PIK3C2G: variants seen among roughly 807,000 people sequenced by gnomAD.
PIK3C2G encodes phosphatidylinositol-4-phosphate 3-kinase catalytic subunit type 2 gamma, also known as phosphatidylinositol 3-kinase C2 domain-containing subunit gamma.
In PIK3C2G, 168 loss-of-function variants were observed where a neutral mutation model predicts 181.1. The ratio of observed to expected loss-of-function variants is 0.93; its 90% confidence interval spans 0.82 to 1.05. The LOEUF (loss-of-function observed/expected upper bound fraction) is 1.05. Among genes scored for constraint, PIK3C2G ranks in the 50% least tolerant of loss-of-function variants. PIK3C2G has a pLI of 0.00. For synonymous variants in PIK3C2G, 573 were observed against 592.2 expected (o/e 0.97, Z 0.47); for missense variants, 1,869 against 1,732.8 (o/e 1.08, Z -1.40).
At chr12:18,666,992 C>G in the PIK3C2G span, among the ~76,000 whole-genome samples, 2 of 152,112 alleles carry the variant, frequency 1.3e-5, no homozygotes, top group African/African-American at 2.4e-5. Context: ...CAATCATGGC[C>G]TAGAACTAAA....
chr12:18,603,499 T>C (rs571363162), intron 30 of PIK3C2G, among the ~76,000 whole-genome samples: 11 of 152,220 alleles, frequency 7.2e-5, no homozygotes, highest in Non-Finnish European at 1.5e-4. Context: ...GTCCTAGACA[T>C]GCAAATATAA....
At chr12:18,410,578 T>A (rs2135624367) in intron 16 of PIK3C2G, among the ~76,000 whole-genome samples, 1 of 152,128 alleles carries the variant, frequency 6.6e-6, no homozygotes, top group Non-Finnish European at 1.5e-5. Context: ...CATGAAATAG[T>A]TGCATTTACA....
chr12:18,401,450 TAAAA>T (rs542986346), intron 16 of PIK3C2G, among the ~76,000 whole-genome samples: 203 of 152,274 alleles, frequency 1.3e-3, no homozygotes, highest in Non-Finnish European at 2.1e-3. Context: ...TAAGAACAGC[TAAAA>T]TCTGTAAAAT....
chr12:18,331,201 T>C (rs999224428), intron 8 of PIK3C2G, among the ~76,000 whole-genome samples: 1 of 152,090 alleles, frequency 6.6e-6, no homozygotes, highest in African/African-American at 2.4e-5. Context: ...TTTAAAAAAA[T>C]ATTTGGCTAT....
chr12:18,631,946 G>C (rs956747749), intron 31 of PIK3C2G, among the ~76,000 whole-genome samples: 1 of 152,144 alleles, frequency 6.6e-6, no homozygotes, highest in Non-Finnish European at 1.5e-5. Flanking sequence ...TCTTATTTGG[G>C]AGTCATCTAC....
rs371089598 is a variant in PIK3C2G at position 18,290,845 on chromosome 12, T to C, written c.762-10T>C. ...TGTCCTAAGTATTTTTCTTAACATA[T>C]GTTTTTCAGAATCAGAGAAAGATAT... On this transcript the variant is annotated splice_polypyrimidine_tract_variant and intron_variant, in intron 3 of 32. Transcript: ENST00000538779. The C allele has an allele frequency of 1.2e-4, 196 of 1,571,430 alleles. 1 individual carries two copies. The African/African-American group carries it at 2.3e-3, about 18-fold the overall frequency.
the PIK3C2G span, among the ~76,000 whole-genome samples, chr12:18,699,599 A>G: frequency 5.9e-5 from 9 of 152,274 alleles, no homozygotes; most frequent in South Asian, 4.1e-4. Context: ...GGCTTAGGAA[A>G]GTTAATTAAT....
the PIK3C2G span, chr12:18,701,625 TCCTCCTCCTCC>T: frequency 1.9e-6 from 3 of 1,556,296 alleles, no homozygotes; most frequent in East Asian, 4.7e-5. Flanking sequence ...CTCCTCCTCC[TCCTCCTCCTCC>T]TCCTCCTCCT....
chr12:18,501,900 T>C (rs1309589566), intron 22 of PIK3C2G, among the ~76,000 whole-genome samples: 1 of 152,180 alleles, frequency 6.6e-6, no homozygotes, highest in Admixed American at 6.5e-5. Context: ...AAAGGTAAGA[T>C]GGCATTGAAA....
intron 32 of PIK3C2G, among the ~76,000 whole-genome samples, chr12:18,645,597 A>G (rs1950084470): frequency 6.6e-6 from 1 of 152,182 alleles, no homozygotes; most frequent in Admixed American, 6.5e-5. Context: ...CAAAATACTA[A>G]GAAACAACTG....
chr12:18,619,744 T>A (rs1375638875), intron 31 of PIK3C2G, among the ~76,000 whole-genome samples: 226 of 15,618 alleles, frequency 0.014, no homozygotes, highest in African/African-American at 0.045. Context: ...GATTTTAATT[T>A]TTTTTTTTTT....
intron 25 of PIK3C2G, 97 bp from the exon 26 acceptor site, chr12:18,546,226 G>A: frequency 4.1e-6 from 3 of 727,114 alleles, no homozygotes; most frequent in Middle Eastern, 2.5e-4. Flanking sequence ...GCAAACTTGG[G>A]TCTAGATGTC....
the PIK3C2G span, among the ~76,000 whole-genome samples, chr12:18,724,026 A>G: frequency 1.3e-5 from 2 of 152,110 alleles, no homozygotes; most frequent in Non-Finnish European, 2.9e-5. Flanking sequence ...GCAGGTACAA[A>G]CAAGATGAGT....
chr12:18,632,197 G>A (rs1315077384), intron 31 of PIK3C2G, among the ~76,000 whole-genome samples: 1 of 152,078 alleles, frequency 6.6e-6, no homozygotes, highest in African/African-American at 2.4e-5. Flanking sequence ...CTACATAAAT[G>A]TCATAATACA....
intron 31 of PIK3C2G, among the ~76,000 whole-genome samples, chr12:18,632,025 A>G (rs886987049): frequency 6.6e-5 from 10 of 151,958 alleles, no homozygotes; most frequent in Non-Finnish European, 4.4e-5. Context: ...ATACATTTTC[A>G]GTTGTCACAA....
intron 18 of PIK3C2G, among the ~76,000 whole-genome samples, chr12:18,437,040 CA>C (rs1384143121): frequency 6.6e-6 from 1 of 151,900 alleles, no homozygotes; most frequent in South Asian, 2.1e-4. Context: ...AATTACTAAA[CA>C]GTTTCTGATT....
chr12:18,351,805 A>G (rs1940241199), intron 11 of PIK3C2G, among the ~76,000 whole-genome samples: 1 of 152,216 alleles, frequency 6.6e-6, no homozygotes, highest in East Asian at 1.9e-4. Context: ...TGCATAGCTT[A>G]TGACTTGGGG....
chr12:18,421,244 T>A (rs71539457), intron 17 of PIK3C2G, among the ~76,000 whole-genome samples: 19,121 of 151,842 alleles, frequency 0.13, 1,254 homozygotes, highest in African/African-American at 0.15. Context: ...GAAAATTTTT[T>A]AAAAATGATT....
At chr12:18,562,194 G>C (rs1351464161) in intron 26 of PIK3C2G, among the ~76,000 whole-genome samples, 2 of 152,150 alleles carry the variant, frequency 1.3e-5, no homozygotes, top group African/African-American at 4.8e-5. Context: ...TGCAGCCGCA[G>C]GATCTCGGCT....
Sources: gnomAD v4.1 joint callset for allele counts (sites outside exome capture counted in the v4.1 genomes callset) on GRCh38, gnomAD v4.1.1 for gene constraint, MANE v1.5 for transcripts, NCBI Gene and HGNC (gene_info 2026-07-23, HGNC 2026-07-21) for gene names.